Variants in HECW2 observed in about 807,000 individuals in gnomAD.
The protein encoded by HECW2 is HECT, C2 and WW domain containing E3 ubiquitin protein ligase 2.
In HECW2, 61 loss-of-function variants were observed where a neutral mutation model predicts 175.2. The observed-to-expected ratio is 0.35, with a 90% CI of 0.28 to 0.43. The LOEUF (loss-of-function observed/expected upper bound fraction) is 0.43, where lower values mean the gene tolerates loss of function less well. Ranked by LOEUF, HECW2 falls within the 20% of genes least tolerant of loss-of-function variation. HECW2 has a pLI of 1.00. For missense variants in HECW2, 1,524 were observed against 2,000.5 expected, an observed-to-expected ratio of 0.76 and a Z score of 4.54; for synonymous variants, 671 against 731.0, an observed-to-expected ratio of 0.92 and a Z score of 1.32.
In HECW2 at chr2:196,317,127, G is replaced by T. The variant is rs1047096717; in HGVS notation, c.2434+147C>A. On this transcript the variant is annotated intron_variant, in intron 10 of 28. Transcript: ENST00000644978. ...AGAGTCATTGGCCTAGCACGTCCCG[G>T]ACTACACCTGCTATGTCAAGTGGCA... is the stretch of plus-strand genomic sequence containing the variant. 7.8e-6 allele frequency: 5 copies of T among 637,740 alleles called. No individual in the cohort carries two copies. In the South Asian group the frequency reaches 9.2e-5, roughly 12 times the overall value. 39.5% of individuals were successfully genotyped at this position (637,740 alleles called of 1,614,324 possible).
intron 2 of HECW2, among the ~76,000 whole-genome samples, chr2:196,350,908 T>G (rs564864048): frequency 6.6e-6 from 1 of 152,340 alleles, no homozygotes; most frequent in African/African-American, 2.4e-5. Context: ...TTGGAAGAGT[T>G]TACGGAGATC....
intron 1 of HECW2, among the ~76,000 whole-genome samples, chr2:196,565,916 A>C (rs1690171819): frequency 6.6e-6 from 1 of 152,162 alleles, no homozygotes; most frequent in Non-Finnish European, 1.5e-5. Context: ...AATATTAGTA[A>C]ATTATTTCCA....
intron 1 of HECW2, among the ~76,000 whole-genome samples, chr2:196,547,869 T>C (rs1689476693): frequency 2.6e-5 from 4 of 152,184 alleles, no homozygotes; most frequent in Non-Finnish European, 2.9e-5. Flanking sequence ...CTCATCTCTA[T>C]ACCAGCAACT....
chr2:196,314,997 G>A (rs369821281), intron 10 of HECW2, among the ~76,000 whole-genome samples: 8 of 152,098 alleles, frequency 5.3e-5, no homozygotes, highest in African/African-American at 9.7e-5. Flanking sequence ...GCAGCCAAGC[G>A]ATTAACACTG....
chr2:196,318,434 G>A lies in HECW2; in HGVS notation c.2338+118C>T, dbSNP rs1691784908. The A allele has an allele frequency of 4.2e-6, 5 of 1,204,230 alleles. No homozygotes were observed. In the East Asian group the frequency reaches 1.4e-4, roughly 34 times the overall value. 74.6% of individuals were successfully genotyped at this position (1,204,230 alleles called of 1,614,324 possible). On this transcript the variant is annotated intron_variant, in intron 9 of 28. Coordinates refer to ENST00000644978, the MANE Select transcript of HECW2 (RefSeq NM_001348768.2). ...CTCTTCTTGCCTGCTGAACCTCAAG[G>A]TGAGGAATTCAGGTCATATGTAACC... is the stretch of plus-strand genomic sequence containing the variant.
intron 1 of HECW2, among the ~76,000 whole-genome samples, chr2:196,548,798 C>G (rs1052281294): frequency 6.6e-6 from 1 of 152,154 alleles, no homozygotes; most frequent in Non-Finnish European, 1.5e-5. Context: ...AGGGAAGAAT[C>G]TGTTCTACCC....
At chr2:196,521,153 T>C (rs1369958478) in intron 1 of HECW2, among the ~76,000 whole-genome samples, 7 of 151,750 alleles carry the variant, frequency 4.6e-5, no homozygotes, top group Admixed American at 4.6e-4. Context: ...AAAGTAATAA[T>C]AACAGGCCCA....
At chr2:196,316,584 C>A (rs180909921) in intron 10 of HECW2, 1 of 152,018 alleles carries the variant, frequency 6.6e-6, no homozygotes, top group Non-Finnish European at 1.5e-5. Context: ...AAAGGACTGT[C>A]GAAATTTAAA....
At chr2:196,292,828 G>T in intron 13 of HECW2, 78 bp from the exon 14 acceptor site, 3 of 1,109,414 alleles carry the variant, frequency 2.7e-6, no homozygotes, top group African/African-American at 1.6e-5. Context: ...CATGGGTATG[G>T]CTAATCTTCC....
At chr2:196,513,499 G>C (rs1016262184) in intron 1 of HECW2, among the ~76,000 whole-genome samples, 1 of 152,146 alleles carries the variant, frequency 6.6e-6, no homozygotes, top group African/African-American at 2.4e-5. Context: ...GACAGAGTGA[G>C]ACCCTGTCTC....
chr2:196,283,031 C>T (rs1312087838), intron 14 of HECW2, among the ~76,000 whole-genome samples: 2 of 152,016 alleles, frequency 1.3e-5, no homozygotes, highest in Middle Eastern at 3.4e-3. Flanking sequence ...GAGGCCAAGG[C>T]AGGCGGATCA....
At chr2:196,234,151 G>A (rs927117047) in intron 21 of HECW2, among the ~76,000 whole-genome samples, 1 of 152,174 alleles carries the variant, frequency 6.6e-6, no homozygotes, top group African/African-American at 2.4e-5. Context: ...GGTTGGCCAT[G>A]GAGAAAAAGA....
chr2:196,560,732 G>A (rs557885006), intron 1 of HECW2, among the ~76,000 whole-genome samples: 6 of 152,290 alleles, frequency 3.9e-5, no homozygotes, highest in African/African-American at 1.2e-4. Context: ...ACTGTTGCGG[G>A]AAGTCAGGGA....
At position 196,201,393 on chromosome 2, in the gene HECW2, A is replaced by G. The variant is rs1663883849; in HGVS notation, c.4608-5T>C. Reference sequence around the variant, plus strand: ...CGGTTAAAACATGTATGCGCTCTGAAAACACAAGAAACAGCACATAGTTTA... The same window carrying G: ...CGGTTAAAACATGTATGCGCTCTGAGAACACAAGAAACAGCACATAGTTTA... On this transcript the variant is annotated splice_region_variant and splice_polypyrimidine_tract_variant and intron_variant, in intron 28 of 28. Coordinates refer to ENST00000644978, the MANE Select transcript of HECW2 (RefSeq NM_001348768.2). 1 of 1,583,386 alleles carries G rather than the reference A, an allele frequency of 6.3e-7. No homozygotes were observed. Among genetic ancestry groups the G allele is most frequent in the Non-Finnish European group, 8.7e-7 (1 of 1,152,224 alleles).
chr2:196,556,204 T>C (rs1451996010), intron 1 of HECW2, among the ~76,000 whole-genome samples: 1 of 152,154 alleles, frequency 6.6e-6, no homozygotes, highest in Non-Finnish European at 1.5e-5. Flanking sequence ...ATTTAAAGAG[T>C]ACATGATGTT....
chr2:196,220,002 A>G (rs1415633666), intron 26 of HECW2, 37 bp downstream of exon 26: 1 of 1,347,910 alleles, frequency 7.4e-7, no homozygotes, highest in African/African-American at 1.4e-5. Context: ...CTTTAATTTG[A>G]AATTTAAAAT....
chr2:196,265,677 CTAATA>C (rs1689485472), intron 17 of HECW2, among the ~76,000 whole-genome samples: 2 of 152,270 alleles, frequency 1.3e-5, no homozygotes, highest in South Asian at 4.1e-4. Flanking sequence ...GGGCACACTA[CTAATA>C]TAATATTGAT....
At chr2:196,446,404 A>C (rs1453833575) in intron 1 of HECW2, among the ~76,000 whole-genome samples, 1 of 152,178 alleles carries the variant, frequency 6.6e-6, no homozygotes, top group Non-Finnish European at 1.5e-5. Context: ...TGTAATATAC[A>C]GTATGACTTA....
chr2:196,487,798 C>T (rs1369459235), intron 1 of HECW2, among the ~76,000 whole-genome samples: 1 of 152,184 alleles, frequency 6.6e-6, no homozygotes, highest in Non-Finnish European at 1.5e-5. Flanking sequence ...AACAGCAATG[C>T]TATTAGATCA....
Sources: gnomAD v4.1 joint callset for allele counts (sites outside exome capture counted in the v4.1 genomes callset) on GRCh38, gnomAD v4.1.1 for gene constraint, MANE v1.5 for transcripts, NCBI Gene and HGNC (gene_info 2026-07-23, HGNC 2026-07-21) for gene names.